TLNRD1: variants seen among roughly 807,000 people sequenced by gnomAD.
TLNRD1 encodes talin rod domain-containing protein 1.
A neutral mutation model predicts 19.5 loss-of-function variants in TLNRD1; 14 were observed. The ratio of observed to expected loss-of-function variants is 0.72; its 90% CI spans 0.47 to 1.12. The LOEUF is 1.12. Among genes scored for constraint, TLNRD1 ranks in the 50% most tolerant of loss-of-function variants. The pLI, the probability that TLNRD1 is intolerant of heterozygous loss-of-function variation, is 0.00. For missense variants in TLNRD1, 569 were observed against 531.9 expected (o/e 1.07, Z -0.69); for synonymous variants, 345 against 261.7 (o/e 1.32, Z -3.07).
Position 81,005,411 on chromosome 15 carries a change from A to G in TLNRD1, c.*2051A>G, listed in dbSNP as rs778954512. 1 of 167,106 alleles carries G rather than the reference A, an allele frequency of 6.0e-6. No homozygotes were observed. The highest frequency in any genetic ancestry group is 2.4e-5 in the African/African-American group (1 of 41,462). The allele number at this position is 167,106 out of a possible 1,614,324, so 10.4% of individuals were successfully genotyped here. ...TTTATTTATTGAATGTACACAAGTA[A>G]TGATGGAGTTTGATTATATGGTTCA... is the stretch of plus-strand genomic sequence containing the variant. On this transcript the variant is annotated 3_prime_UTR_variant, in exon 1 of 1. Transcript: ENST00000267984.
At position 81,003,664 on chromosome 15, in the gene TLNRD1, C is replaced by G. The variant is rs7169370; in HGVS notation, c.*304C>G. ...CTTCCGGAATTTCTCAACTAAATTT[C>G]ATTATTGGGCAGGAAGGAGGTCATG... On this transcript the variant is annotated 3_prime_UTR_variant, in exon 1 of 1. Transcript: ENST00000267984. The G allele has an allele frequency of 0.067, 21,087 of 312,816 alleles. 1,084 individuals are homozygous for G. The highest frequency in any genetic ancestry group is 0.17 in the African/African-American group (7,961 of 46,388). The allele number at this position is 312,816 out of a possible 1,614,324, so 19.4% of individuals were successfully genotyped here.
rs779576158 is a variant in TLNRD1, at chr15:81,002,468, C to T, written c.197C>T (p.Ala66Val). 6.6e-7 allele frequency: 1 copy of T among 1,515,050 alleles called. No homozygotes were observed. The highest frequency in any genetic ancestry group is 8.8e-7 in the Non-Finnish European group (1 of 1,136,928). The allele number at this position is 1,515,050 out of a possible 1,614,324, so 93.9% of individuals were successfully genotyped here. The change falls in exon 1 of 1, where the codon GCC becomes GTC. Residue 66 changes from alanine (A) to valine (V), a missense_variant. Transcript: ENST00000267984. The stretch of plus-strand genomic sequence containing the variant: ...CGGCCCGTGCTCTTCGAGGGCCCCG[C>T]CTCCTCTGGTGCCGGCGCCGAGTCC... ...EARPVLFEGPASSGAGAESFE... is the reference protein window; with the variant it reads ...EARPVLFEGPVSSGAGAESFE...
chr15:81,003,662 T>G lies in TLNRD1; in HGVS notation c.*302T>G. On this transcript the variant is annotated 3_prime_UTR_variant, in exon 1 of 1. Transcript: ENST00000267984. ...GTCTTCCGGAATTTCTCAACTAAAT[T>G]TCATTATTGGGCAGGAAGGAGGTCA... 1 of 317,862 alleles carries G rather than the reference T, an allele frequency of 3.1e-6. No individual in the cohort carries two copies. Among genetic ancestry groups the G allele is most frequent in the Non-Finnish European group, 6.0e-6 (1 of 165,682 alleles). 19.7% of individuals were successfully genotyped at this position (317,862 alleles called of 1,614,324 possible). A position where few individuals can be genotyped will look rare whatever the true frequency, so the allele number is the denominator to read the frequency against.
rs1429211660 is a variant in TLNRD1, at chr15:81,005,204, G to A, written c.*1844G>A. The A allele has an allele frequency of 3.0e-5, 5 of 166,942 alleles. No individual in the cohort carries two copies. The highest frequency in any genetic ancestry group is 2.0e-4 in the Admixed American group (3 of 15,266). The allele number at this position is 166,942 out of a possible 1,614,324, so 10.3% of individuals were successfully genotyped here. A position where few individuals can be genotyped will look rare whatever the true frequency, so the allele number is the denominator to read the frequency against. On this transcript the variant is annotated 3_prime_UTR_variant, in exon 1 of 1. Transcript: ENST00000267984. ...AATTTTTAAAAAAATGACCATGGGA[G>A]CAGTTTTTCTCTGTTAAATCCTGGT... is the stretch of plus-strand genomic sequence containing the variant.
chr15:81,002,535 G>T lies in TLNRD1; in HGVS notation c.264G>T (p.Gly88=), dbSNP rs767367199. ...CRDTIIARTK[G]LSILTHDVQS... ...ACACCATCATCGCGCGCACCAAGGG[G>T]CTCTCCATCCTCACCCACGACGTGC... The change falls in exon 1 of 1, where the codon GGG becomes GGT. Residue 88 remains glycine (G), a synonymous_variant. Coordinates refer to ENST00000267984, the MANE Select transcript of TLNRD1 (RefSeq NM_022566.3). 1 of 1,461,308 alleles carries T rather than the reference G, an allele frequency of 6.8e-7. No homozygotes were observed. Among genetic ancestry groups the T allele is most frequent in the Non-Finnish European group, 9.0e-7 (1 of 1,110,852 alleles). The allele number at this position is 1,461,308 out of a possible 1,614,324, so 90.5% of individuals were successfully genotyped here.
In TLNRD1 at chr15:81,003,378, C is replaced by G; in HGVS notation, c.*18C>G. 6.4e-7 allele frequency: 1 copy of G among 1,570,658 alleles called. No individual in the cohort carries two copies. The highest frequency in any genetic ancestry group is 8.7e-7 in the Non-Finnish European group (1 of 1,152,358). On this transcript the variant is annotated 3_prime_UTR_variant, in exon 1 of 1. Transcript: ENST00000267984. ...TGAATTAGCACCCCACCCCCATACC[C>G]CTTCTTCCACCCCCAGACTAAAGGA... is the stretch of plus-strand genomic sequence containing the variant.
Position 81,002,393 on chromosome 15 carries a change from A to G in TLNRD1, c.122A>G (p.Lys41Arg). 1 of 1,551,612 alleles carries G rather than the reference A, an allele frequency of 6.4e-7. No homozygotes were observed. The highest frequency in any genetic ancestry group is 8.6e-7 in the Non-Finnish European group (1 of 1,156,144). ...CTGGTATCCGTCTGCGACCACTGCA[A>G]GGGCAAGATGCAGCTGGTGGCTGAC... The part of the protein sequence containing the change: ...KRLVSVCDHC[K>R]GKMQLVADLL... Residue 41 changes from lysine to arginine, a missense_variant, in exon 1 of 1, where the codon AAG becomes AGG. Transcript: ENST00000267984.
chr15:81,002,836 C>G lies in TLNRD1; in HGVS notation c.565C>G (p.Arg189Gly). The change falls in exon 1 of 1, where the codon CGC (arginine) becomes GGC (glycine). Residue 189 changes from arginine (R) to glycine (G), a missense_variant. By Grantham distance (125) the Arg-to-Gly change is moderately radical. Transcript: ENST00000267984. ...LLLEVSQGLSRNLKFLTDACA... is the reference protein window; with the variant it reads ...LLLEVSQGLSGNLKFLTDACA... ...GCTGGAGGTGTCGCAGGGCCTGTCG[C>G]GCAACCTCAAGTTCCTGACGGACGC... The G allele has an allele frequency of 6.3e-7, 1 of 1,592,040 alleles. No individual in the cohort carries two copies.
chr15:81,002,416 G>C lies in TLNRD1; in HGVS notation c.145G>C (p.Asp49His). The C allele has an allele frequency of 6.4e-7, 1 of 1,555,988 alleles. No homozygotes were observed. The highest frequency in any genetic ancestry group is 8.6e-7 in the Non-Finnish European group (1 of 1,158,192). ...CAAGGGCAAGATGCAGCTGGTGGCT[G>C]ACCTGCTGCTGCTGTCGAGCGAGGC... ...HCKGKMQLVADLLLLSSEARP... is the reference protein window; with the variant it reads ...HCKGKMQLVAHLLLLSSEARP... Residue 49 changes from aspartate (D) to histidine (H), a missense_variant, in exon 1 of 1, where the codon GAC becomes CAC. Transcript: ENST00000267984.
rs1189828741 is a variant in TLNRD1, at chr15:81,003,026, G to A, written c.755G>A (p.Gly252Glu). 39 of 1,554,720 alleles carry A rather than the reference G, an allele frequency of 2.5e-5. No individual in the cohort carries two copies. The highest frequency in any genetic ancestry group is 3.4e-5 in the Non-Finnish European group (39 of 1,156,854). The change falls in exon 1 of 1, where the codon GGG (glycine) becomes GAG (glutamate). Residue 252 changes from glycine (G) to glutamate (E), a missense_variant. By Grantham distance (98) the Gly-to-Glu change is moderately conservative. Coordinates refer to ENST00000267984, the MANE Select transcript of TLNRD1 (RefSeq NM_022566.3). ...CGCAGCCGCTGTGCGCTCTTCAGCGGGCCCCTGGTGCAGGCAGTGAGCGCC... is the reference window on the plus strand; with the variant it reads ...CGCAGCCGCTGTGCGCTCTTCAGCGAGCCCCTGGTGCAGGCAGTGAGCGCC... Reference protein sequence around the residue: ...LARSRCALFSGPLVQAVSALV... With the variant: ...LARSRCALFSEPLVQAVSALV...
Position 81,002,375 on chromosome 15 carries a change from C to G in TLNRD1, c.104C>G (p.Ser35Cys), listed in dbSNP as rs867429047. Reference sequence around the variant, plus strand: ...TCGCAGCCGCGGAAGAGGCTGGTATCCGTCTGCGACCACTGCAAGGGCAAG... The same window carrying G: ...TCGCAGCCGCGGAAGAGGCTGGTATGCGTCTGCGACCACTGCAAGGGCAAG... ...ASSQPRKRLV[S>C]VCDHCKGKMQ... The change falls in exon 1 of 1, where the codon TCC becomes TGC. Residue 35 changes from serine to cysteine, a missense_variant. Ser to Cys is a moderately radical substitution (Grantham distance 112, BLOSUM62 -1). Transcript: ENST00000267984. 6 of 1,513,854 alleles carry G rather than the reference C, an allele frequency of 4.0e-6. No individual in the cohort carries two copies. Among genetic ancestry groups the G allele is most frequent in the Admixed American group, 3.9e-5 (2 of 50,972 alleles). 93.8% of individuals were successfully genotyped at this position (1,513,854 alleles called of 1,614,324 possible).
Position 81,002,158 on chromosome 15 carries a change from G to A in TLNRD1, c.-114G>A. On this transcript the variant is annotated 5_prime_UTR_variant, in exon 1 of 1. Coordinates refer to ENST00000267984, the MANE Select transcript of TLNRD1 (RefSeq NM_022566.3). ...GTGGATGGCATGATGGTGCGGGGAA[G>A]GCACCGCGGCCTTGGCCAGCTGAGT... 1 of 1,116,346 alleles carries A rather than the reference G, an allele frequency of 9.0e-7. No homozygotes were observed. Among genetic ancestry groups the A allele is most frequent in the East Asian group, 3.6e-5 (1 of 27,658 alleles). 69.2% of individuals were successfully genotyped at this position (1,116,346 alleles called of 1,614,324 possible).
Position 81,002,376 on chromosome 15 carries a change from C to T in TLNRD1, c.105C>T (p.Ser35=), listed in dbSNP as rs1595890947. 2 of 1,516,558 alleles carry T rather than the reference C, an allele frequency of 1.3e-6. No individual in the cohort carries two copies. The highest frequency in any genetic ancestry group is 2.7e-5 in the East Asian group (1 of 37,506). The allele number at this position is 1,516,558 out of a possible 1,614,324, so 93.9% of individuals were successfully genotyped here. A position where few individuals can be genotyped will look rare whatever the true frequency, so the allele number is the denominator to read the frequency against. ...CGCAGCCGCGGAAGAGGCTGGTATC[C>T]GTCTGCGACCACTGCAAGGGCAAGA... ...ASSQPRKRLV[S]VCDHCKGKMQ... is the part of the protein sequence containing the mutation. The change falls in exon 1 of 1, where the codon TCC becomes TCT. Residue 35 remains serine, a synonymous_variant. Transcript: ENST00000267984.
Position 81,002,454 on chromosome 15 carries a change from C to T in TLNRD1, c.183C>T (p.Leu61=), listed in dbSNP as rs757296516. The T allele has an allele frequency of 1.4e-5, 21 of 1,531,530 alleles. No homozygotes were observed. In the African/African-American group the frequency reaches 1.7e-4, roughly 12 times the overall value. 94.9% of individuals were successfully genotyped at this position (1,531,530 alleles called of 1,614,324 possible). The change falls in exon 1 of 1, where the codon CTC becomes CTT. Residue 61 remains leucine, a synonymous_variant. Transcript: ENST00000267984. ...LLLSSEARPV[L]FEGPASSGAG... ...TGTCGAGCGAGGCGCGGCCCGTGCT[C>T]TTCGAGGGCCCCGCCTCCTCTGGTG...
Position 81,002,297 on chromosome 15 carries a change from C to T in TLNRD1, c.26C>T (p.Pro9Leu). 1.5e-6 allele frequency: 2 copies of T among 1,334,238 alleles called. No individual in the cohort carries two copies. Among genetic ancestry groups the T allele is most frequent in the South Asian group, 3.8e-5 (2 of 52,634 alleles). The allele number at this position is 1,334,238 out of a possible 1,614,324, so 82.6% of individuals were successfully genotyped here. A position where few individuals can be genotyped will look rare whatever the true frequency, so the allele number is the denominator to read the frequency against. The change falls in exon 1 of 1, where the codon CCC (proline) becomes CTC (leucine). Residue 9 changes from proline (P) to leucine (L), a missense_variant. Pro to Leu is a moderately conservative substitution (Grantham distance 98, BLOSUM62 -3). Coordinates refer to ENST00000267984, the MANE Select transcript of TLNRD1 (RefSeq NM_022566.3). MASGSAGK[P>L]TGEAASPAPA... ...ATGGCTAGCGGCAGCGCCGGGAAGCCCACTGGCGAGGCGGCTTCTCCGGCT... is the reference window on the plus strand; with the variant it reads ...ATGGCTAGCGGCAGCGCCGGGAAGCTCACTGGCGAGGCGGCTTCTCCGGCT...
Position 81,002,657 on chromosome 15 carries a change from C to A in TLNRD1, c.386C>A (p.Ala129Glu). The change falls in exon 1 of 1, where the codon GCG becomes GAG. Residue 129 changes from alanine to glutamate, a missense_variant. Physicochemically the swap from Ala to Glu is moderately radical, Grantham distance 107. Transcript: ENST00000267984. ...VVSLTECSAHAAYLAAVATPG... is the reference protein window; with the variant it reads ...VVSLTECSAHEAYLAAVATPG... ...TCGCTGACCGAGTGCTCGGCCCACG[C>A]GGCCTATCTGGCCGCTGTGGCCACG... 1.4e-6 allele frequency: 2 copies of A among 1,470,704 alleles called. No homozygotes were observed. The highest frequency in any genetic ancestry group is 8.9e-7 in the Non-Finnish European group (1 of 1,123,538). 91.1% of individuals were successfully genotyped at this position (1,470,704 alleles called of 1,614,324 possible).
chr15:81,002,842 C>G lies in TLNRD1; in HGVS notation c.571C>G (p.Leu191Val), dbSNP rs762270733. ...GGTGTCGCAGGGCCTGTCGCGCAAC[C>G]TCAAGTTCCTGACGGACGCGTGCGC... is the stretch of plus-strand genomic sequence containing the variant. Reference protein sequence around the residue: ...LEVSQGLSRNLKFLTDACALA... With the variant: ...LEVSQGLSRNVKFLTDACALA... Residue 191 changes from leucine (L) to valine (V), a missense_variant, in exon 1 of 1, where the codon CTC (leucine) becomes GTC (valine). By Grantham distance (32) the Leu-to-Val change is conservative. Coordinates refer to ENST00000267984, the MANE Select transcript of TLNRD1 (RefSeq NM_022566.3). The G allele has an allele frequency of 6.3e-7, 1 of 1,594,242 alleles. No individual in the cohort carries two copies. The highest frequency in any genetic ancestry group is 1.1e-5 in the South Asian group (1 of 90,560).
chr15:81,002,799 G>T lies in TLNRD1; in HGVS notation c.528G>T (p.Thr176=). Residue 176 remains threonine (T), a synonymous_variant, in exon 1 of 1, where the codon ACG becomes ACT. Coordinates refer to ENST00000267984, the MANE Select transcript of TLNRD1 (RefSeq NM_022566.3). ...GCGCCACGCCGCTGGCCGACATGAC[G>T]CCGCAGCTGCTGCTGGAGGTGTCGC... The part of the protein sequence containing the change: ...VLRATPLADM[T]PQLLLEVSQG... 6.4e-7 allele frequency: 1 copy of T among 1,564,368 alleles called. No homozygotes were observed. Among genetic ancestry groups the T allele is most frequent in the South Asian group, 1.1e-5 (1 of 86,972 alleles).
At position 81,001,164 on chromosome 15, in the gene TLNRD1, A is replaced by T. The variant is rs960307494; in HGVS notation, c.-1108A>T. On this transcript the variant is annotated 5_prime_UTR_variant, in exon 1 of 1. Coordinates refer to ENST00000267984, the MANE Select transcript of TLNRD1 (RefSeq NM_022566.3). ...GCTCGCTCGGAAGTTGGCGGTTGACAAAAATGGCAGGAGCCGGGGCCCGGG... is the reference window on the plus strand; with the variant it reads ...GCTCGCTCGGAAGTTGGCGGTTGACTAAAATGGCAGGAGCCGGGGCCCGGG... 2 of 152,900 alleles carry T rather than the reference A, an allele frequency of 1.3e-5. No individual in the cohort carries two copies. Among genetic ancestry groups the T allele is most frequent in the Non-Finnish European group, 2.9e-5 (2 of 68,736 alleles). 9.5% of individuals were successfully genotyped at this position (152,900 alleles called of 1,614,324 possible). A position where few individuals can be genotyped will look rare whatever the true frequency, so the allele number is the denominator to read the frequency against.
Sources: allele counts gnomAD v4.1 joint callset, GRCh38; gene constraint gnomAD v4.1.1; transcripts MANE v1.5; gene names NCBI Gene and HGNC (gene_info 2026-07-23, HGNC 2026-07-21).